The following NECAB1 variants were observed in gnomAD, a reference collection of about 807,000 sequenced individuals.
NECAB1 encodes N-terminal EF-hand calcium binding protein 1, also known as N-terminal EF-hand calcium-binding protein 1.
In NECAB1, 29 loss-of-function variants were observed where a neutral mutation model predicts 57.5. The ratio of observed to expected loss-of-function variants is 0.50; its 90% confidence interval spans 0.38 to 0.69. NECAB1 has a LOEUF of 0.69. NECAB1 is among the 30% of genes least tolerant of loss of function. The pLI, the probability that NECAB1 is intolerant of heterozygous loss-of-function variation, is 0.00. For missense variants in NECAB1, 372 were observed against 413.8 expected (o/e 0.90, Z 0.88); for synonymous variants, 142 against 147.7 (o/e 0.96, Z 0.28).
intron 3 of NECAB1, among the ~76,000 whole-genome samples, chr8:90,850,048 C>G (rs1443594736): frequency 6.6e-6 from 1 of 152,116 alleles, no homozygotes; most frequent in Non-Finnish European, 1.5e-5. Flanking sequence ...CACCAATTAA[C>G]TTCAAATCAT....
chr8:90,876,451 G>A (rs946706309), intron 4 of NECAB1, among the ~76,000 whole-genome samples: 10 of 151,878 alleles, frequency 6.6e-5, no homozygotes, highest in Admixed American at 5.9e-4. Context: ...AAGTTTAGAT[G>A]AGAGTCATCT....
intron 1 of NECAB1, among the ~76,000 whole-genome samples, chr8:90,801,395 T>C (rs1241883186): frequency 1.3e-5 from 2 of 152,222 alleles, no homozygotes; most frequent in Non-Finnish European, 2.9e-5. Context: ...AGCCTAGTTA[T>C]TTTTGGTTCT....
chr8:90,940,849 G>A lies in NECAB1; in HGVS notation c.811G>A (p.Ala271Thr), dbSNP rs115555424. 1,109 of 1,563,808 alleles carry A rather than the reference G, an allele frequency of 7.1e-4. 7 individuals carry two copies. The African/African-American group carries it at 0.013, about 19-fold the overall frequency. Residue 271 changes from alanine (A) to threonine (T), a missense_variant, in exon 10 of 13, where the codon GCT (alanine) becomes ACT (threonine). Physicochemically the swap from Ala to Thr is moderately conservative, Grantham distance 58. Coordinates refer to ENST00000417640, the MANE Select transcript of NECAB1 (RefSeq NM_022351.5). ...IEEDLEEFQL[A>T]LKHYVESASS... Reference sequence around the variant, plus strand: ...AGAGGACCTGGAAGAATTCCAGCTCGCTCTGAAACACTACGTGGAGAGTGC... The same window carrying A: ...AGAGGACCTGGAAGAATTCCAGCTCACTCTGAAACACTACGTGGAGAGTGC...
intron 4 of NECAB1, among the ~76,000 whole-genome samples, chr8:90,877,869 G>T (rs1214465429): frequency 6.6e-6 from 1 of 152,130 alleles, no homozygotes; most frequent in African/African-American, 2.4e-5. Context: ...TGTCTTGGCA[G>T]TGCTGAACTA....
intron 3 of NECAB1, among the ~76,000 whole-genome samples, chr8:90,853,773 T>C (rs1419762393): frequency 6.6e-6 from 1 of 152,202 alleles, no homozygotes; most frequent in Non-Finnish European, 1.5e-5. Context: ...AGAAAGCCAG[T>C]CATTGAGACG....
chr8:90,906,883 A>ATATATGTATATATATATATATATATATG (rs1554574051), intron 5 of NECAB1, among the ~76,000 whole-genome samples: 1 of 80,752 alleles, frequency 1.2e-5, no homozygotes, highest in African/African-American at 4.8e-5. Context: ...ACACATATAT[A>ATATATGTATATATATATATATATATATG]TATATATATA....
chr8:90,938,909 A>G (rs913786837), intron 9 of NECAB1, among the ~76,000 whole-genome samples: 2 of 152,206 alleles, frequency 1.3e-5, no homozygotes, highest in Non-Finnish European at 2.9e-5. Flanking sequence ...ATGGTCTCAC[A>G]TGGGCTCCTT....
chr8:90,862,773 A>G (rs1159586379), intron 3 of NECAB1, among the ~76,000 whole-genome samples: 1 of 152,188 alleles, frequency 6.6e-6, no homozygotes, highest in African/African-American at 2.4e-5. Flanking sequence ...AATATAAAGT[A>G]TATGAAAAGT....
chr8:90,937,952 A>G (rs765543763), intron 9 of NECAB1, among the ~76,000 whole-genome samples: 2 of 152,172 alleles, frequency 1.3e-5, no homozygotes, highest in Non-Finnish European at 2.9e-5. Context: ...TTGTTTTACA[A>G]TGGTTGTTAA....
At chr8:90,899,539 C>G (rs1809446677) in intron 5 of NECAB1, among the ~76,000 whole-genome samples, 1 of 151,970 alleles carries the variant, frequency 6.6e-6, no homozygotes. Flanking sequence ...GAGATGGGAC[C>G]CAAAATTTAT....
At chr8:90,863,583 T>A (rs1808449876) in intron 3 of NECAB1, among the ~76,000 whole-genome samples, 1 of 152,160 alleles carries the variant, frequency 6.6e-6, no homozygotes, top group African/African-American at 2.4e-5. Context: ...GGAACCCCCT[T>A]ATTAGCAAAA....
chr8:90,814,213 T>C (rs1037539414), intron 2 of NECAB1, among the ~76,000 whole-genome samples: 6 of 152,226 alleles, frequency 3.9e-5, no homozygotes, highest in African/African-American at 1.4e-4. Context: ...GTTTTTCTCT[T>C]AATTAGACTG....
intron 5 of NECAB1, among the ~76,000 whole-genome samples, chr8:90,907,755 G>GA (rs1484983730): frequency 4.6e-5 from 7 of 151,448 alleles, no homozygotes; most frequent in Admixed American, 6.6e-5. Flanking sequence ...AATCCCACTG[G>GA]AAAAAAAAGT....
chr8:90,908,402 C>T (rs1045414082), intron 5 of NECAB1, among the ~76,000 whole-genome samples: 3 of 152,012 alleles, frequency 2.0e-5, no homozygotes, highest in Non-Finnish European at 2.9e-5. Context: ...TACTTAAAAA[C>T]GTAACATTTG....
chr8:90,815,032 C>A (rs1352495283), intron 2 of NECAB1, among the ~76,000 whole-genome samples: 4 of 152,044 alleles, frequency 2.6e-5, no homozygotes, highest in Non-Finnish European at 5.9e-5. Context: ...AGACTCTAAT[C>A]CATTACCACA....
chr8:90,825,723 A>T (rs1363808414), intron 3 of NECAB1, among the ~76,000 whole-genome samples: 1 of 151,904 alleles, frequency 6.6e-6, no homozygotes, highest in African/African-American at 2.4e-5. Flanking sequence ...GATTAAATTC[A>T]CTTTACTCAA....
At chr8:90,903,273 A>T (rs1342896483) in intron 5 of NECAB1, among the ~76,000 whole-genome samples, 3 of 152,224 alleles carry the variant, frequency 2.0e-5, no homozygotes, top group East Asian at 1.9e-4. Flanking sequence ...ACAATTTTTT[A>T]AAAATATTTT....
chr8:90,895,512 A>G (rs1809304276), intron 5 of NECAB1, among the ~76,000 whole-genome samples: 1 of 152,260 alleles, frequency 6.6e-6, no homozygotes, highest in Non-Finnish European at 1.5e-5. Flanking sequence ...GAGTGTTGCC[A>G]TGTGCTAGTA....
chr8:90,856,554 G>A (rs147627392), intron 3 of NECAB1, among the ~76,000 whole-genome samples: 7 of 152,290 alleles, frequency 4.6e-5, no homozygotes, highest in African/African-American at 1.7e-4. Flanking sequence ...TAATGGAATA[G>A]TTTATATAGT....
Sources: allele counts gnomAD v4.1 joint callset (sites outside exome capture counted in the v4.1 genomes callset), GRCh38; gene constraint gnomAD v4.1.1; transcripts MANE v1.5; gene names NCBI Gene and HGNC (gene_info 2026-07-23, HGNC 2026-07-21).